GGA2: variants seen among roughly 807,000 people sequenced by gnomAD.
GGA2 encodes the protein golgi associated, gamma adaptin ear containing, ARF binding protein 2.
GGA2 carries 48 observed loss-of-function variants against 79.5 expected under a neutral mutation model. The observed-to-expected ratio is 0.60, with a 90% CI of 0.48 to 0.77. The LOEUF is 0.77. Among genes scored for constraint, GGA2 ranks in the 30% least tolerant of loss-of-function variants. The pLI is 0.00. For missense variants in GGA2, 770 were observed against 774.0 expected (o/e 0.99, Z 0.06); for synonymous variants, 317 against 302.0 (o/e 1.05, Z -0.51).
chr16:23,496,302 CAAAAAAA>C (rs754859869), intron 1 of GGA2, among the ~76,000 whole-genome samples: 10 of 35,868 alleles, frequency 2.8e-4, no homozygotes, highest in South Asian at 9.3e-4. Context: ...GACTCTGTCT[CAAAAAAA>C]AAAAAAAAAA....
rs1964665392 is a variant in GGA2, at chr16:23,482,906, A to T, written c.880+17T>A. On this transcript the variant is annotated intron_variant, in intron 9 of 16. Coordinates refer to ENST00000309859, the MANE Select transcript of GGA2 (RefSeq NM_015044.4). ...TGCACCTGGGCTGCTAGCTACACCC[A>T]AGGAAAGAAAACTTACCGAGTGCAT... is the stretch of plus-strand genomic sequence containing the variant. 1.3e-6 allele frequency: 2 copies of T among 1,512,892 alleles called. No individual in the cohort carries two copies. The highest frequency in any genetic ancestry group is 1.8e-6 in the Non-Finnish European group (2 of 1,087,772). The allele number at this position is 1,512,892 out of a possible 1,614,324, so 93.7% of individuals were successfully genotyped here. A position where few individuals can be genotyped will look rare whatever the true frequency, so the allele number is the denominator to read the frequency against.
intron 16 of GGA2, 38 bp downstream of exon 16, chr16:23,468,848 G>T: frequency 7.8e-7 from 1 of 1,277,468 alleles, no homozygotes; most frequent in Non-Finnish European, 1.1e-6. Context: ...CAGTTCAGGG[G>T]CCCCCATCTC....
intron 5 of GGA2, 141 bp from the exon 6 acceptor site, chr16:23,488,850 A>C (rs1964747802): frequency 1.7e-6 from 1 of 602,000 alleles, no homozygotes; most frequent in African/African-American, 1.9e-5. Context: ...GACAACACCC[A>C]GTGTATGAAC....
intron 13 of GGA2, among the ~76,000 whole-genome samples, chr16:23,475,496 G>C (rs1474854135): frequency 6.6e-6 from 1 of 151,162 alleles, no homozygotes; most frequent in Non-Finnish European, 1.5e-5. Flanking sequence ...GATGTTATAT[G>C]ACTTTTGTCA....
At chr16:23,491,925 G>T in intron 4 of GGA2, 125 bp from the exon 5 acceptor site, 1 of 602,562 alleles carries the variant, frequency 1.7e-6, no homozygotes. Flanking sequence ...AGTGTGAGGA[G>T]AGACTAGAGG....
upstream of GGA2, chr16:23,510,549 C>A (rs1965032135): frequency 6.5e-6 from 2 of 309,690 alleles, no homozygotes; most frequent in African/African-American, 6.1e-5. Flanking sequence ...CACGCCCACC[C>A]CAGGCCCCCC....
chr16:23,488,773 A>T, intron 5 of GGA2, 64 bp from the exon 6 acceptor site: 2 of 930,522 alleles, frequency 2.1e-6, no homozygotes, highest in Non-Finnish European at 3.5e-6. Context: ...GTCAGAATCC[A>T]GTATAAAGTC....
intron 13 of GGA2, among the ~76,000 whole-genome samples, chr16:23,475,684 ATT>A (rs1197819643): frequency 1.3e-5 from 2 of 150,886 alleles, no homozygotes; most frequent in East Asian, 4.1e-4. Flanking sequence ...CAGGTGGATC[ATT>A]TGAGGTCAGG....
At chr16:23,475,472 G>C (rs147679405) in intron 13 of GGA2, among the ~76,000 whole-genome samples, 2,459 of 152,028 alleles carry the variant, frequency 0.016, 31 homozygotes, top group Non-Finnish European at 0.027. Context: ...TTACAGGCGT[G>C]AGCTAATGCG....
At chr16:23,521,493 A>C (rs998128243) in intron 1 of GGA2, among the ~76,000 whole-genome samples, 6 of 151,752 alleles carry the variant, frequency 4.0e-5, no homozygotes, top group African/African-American at 1.5e-4. Context: ...TTAACGCCTC[A>C]GCTCAAGTGA....
At position 23,465,025 on chromosome 16, in the gene GGA2, T is replaced by G; in HGVS notation, c.*2565A>C. ...ATGGGTCAACAGGACCCCCGAAGAG[T>G]TCAAGATACTGGAAAGCACTGGCCA... On this transcript the variant is annotated 3_prime_UTR_variant, in exon 17 of 17. Transcript: ENST00000309859. 6 of 399,782 alleles carry G rather than the reference T, an allele frequency of 1.5e-5. No individual in the cohort carries two copies. The highest frequency in any genetic ancestry group is 3.6e-5 in the South Asian group (1 of 28,046). 24.8% of individuals were successfully genotyped at this position (399,782 alleles called of 1,614,324 possible). A position where few individuals can be genotyped will look rare whatever the true frequency, so the allele number is the denominator to read the frequency against.
At chr16:23,495,117 A>C (rs1203074013) in intron 2 of GGA2, among the ~76,000 whole-genome samples, 1 of 152,038 alleles carries the variant, frequency 6.6e-6, no homozygotes, top group Non-Finnish European at 1.5e-5. Flanking sequence ...CAAAACAAAA[A>C]CAAAACATCT....
At chr16:23,492,330 TC>T (rs1964799042) in intron 4 of GGA2, among the ~76,000 whole-genome samples, 1 of 151,866 alleles carries the variant, frequency 6.6e-6, no homozygotes, top group Non-Finnish European at 1.5e-5. Context: ...TGCCCCCACA[TC>T]CCCCCACCTG....
intron 2 of GGA2, among the ~76,000 whole-genome samples, chr16:23,517,721 C>T (rs1342991076): frequency 6.6e-6 from 1 of 151,990 alleles, no homozygotes; most frequent in Non-Finnish European, 1.5e-5. Context: ...GAAACTCCTA[C>T]TCATCCCTCA....
rs911942712 is a variant in GGA2, at chr16:23,467,054, T to A, written c.*536A>T. The A allele has an allele frequency of 1.3e-5, 2 of 155,774 alleles. No individual in the cohort carries two copies. Among genetic ancestry groups the A allele is most frequent in the African/African-American group, 4.8e-5 (2 of 41,410 alleles). 9.6% of individuals were successfully genotyped at this position (155,774 alleles called of 1,614,324 possible). On this transcript the variant is annotated 3_prime_UTR_variant, in exon 17 of 17. Coordinates refer to ENST00000309859, the MANE Select transcript of GGA2 (RefSeq NM_015044.4). ...CAGAACACACACAAGAAGCATTGTCTAATGAAAATGGAGACAAGGTCTTTC... is the reference window on the plus strand; with the variant it reads ...CAGAACACACACAAGAAGCATTGTCAAATGAAAATGGAGACAAGGTCTTTC...
In GGA2 at chr16:23,467,509, G is replaced by C; in HGVS notation, c.*81C>G. ...GATAGGACTCTTGGCACTCCGCACT[G>C]AAACACCGTGATTAGTCCTGACTAG... On this transcript the variant is annotated 3_prime_UTR_variant, in exon 17 of 17. Coordinates refer to ENST00000309859, the MANE Select transcript of GGA2 (RefSeq NM_015044.4). 4.0e-6 allele frequency: 3 copies of C among 751,016 alleles called. No homozygotes were observed. The highest frequency in any genetic ancestry group is 7.2e-6 in the Non-Finnish European group (3 of 419,078). The allele number at this position is 751,016 out of a possible 1,614,324, so 46.5% of individuals were successfully genotyped here.
At chr16:23,491,283 G>C (rs1395829488) in intron 5 of GGA2, among the ~76,000 whole-genome samples, 1 of 141,140 alleles carries the variant, frequency 7.1e-6, no homozygotes, top group Middle Eastern at 3.4e-3. Context: ...CTCCAGCCTA[G>C]GTAACAGGGC....
At chr16:23,500,720 C>A in intron 1 of GGA2, among the ~76,000 whole-genome samples, 1 of 152,238 alleles carries the variant, frequency 6.6e-6, no homozygotes, top group East Asian at 1.9e-4. Flanking sequence ...ATCACGCAGG[C>A]GGAGGTGGCA....
intron 1 of GGA2, 134 bp from the exon 2 acceptor site, chr16:23,495,912 G>C: frequency 1.8e-6 from 1 of 557,616 alleles, no homozygotes; most frequent in Non-Finnish European, 3.2e-6. Flanking sequence ...GCTGGAAGGA[G>C]AGGAATTGTG....
Sources: gnomAD v4.1 joint callset for allele counts (sites outside exome capture counted in the v4.1 genomes callset) on GRCh38, gnomAD v4.1.1 for gene constraint, MANE v1.5 for transcripts, NCBI Gene and HGNC (gene_info 2026-07-23, HGNC 2026-07-21) for gene names.